Variants in SNX25 observed in about 807,000 individuals in gnomAD.
The protein encoded by SNX25 is sorting nexin 25.
In SNX25, 62 loss-of-function variants were observed where a neutral mutation model predicts 113.7. The ratio of observed to expected loss-of-function variants is 0.55; its 90% CI spans 0.44 to 0.67. The LOEUF (loss-of-function observed/expected upper bound fraction) is 0.67, where lower values mean the gene tolerates loss of function less well. Ranked by LOEUF, SNX25 falls within the 30% of genes least tolerant of loss-of-function variation. The pLI is 0.00. For missense variants in SNX25, 1,014 were observed against 1,161.0 expected (o/e 0.87, Z 1.84); for synonymous variants, 421 against 436.2 (o/e 0.97, Z 0.43).
At chr4:185,306,848 T>C (rs1754538081) in intron 6 of SNX25, among the ~76,000 whole-genome samples, 1 of 152,246 alleles carries the variant, frequency 6.6e-6, no homozygotes, top group Admixed American at 6.5e-5. Context: ...GCAAACTACA[T>C]TTACCTTCAT....
chr4:185,236,201 C>A (rs1386808126), intron 1 of SNX25, among the ~76,000 whole-genome samples: 2 of 152,178 alleles, frequency 1.3e-5, no homozygotes, highest in African/African-American at 4.8e-5. Context: ...TTTTGCAAAA[C>A]CTCCTGGCCT....
rs572414879 is a variant in SNX25, at chr4:185,342,986, G to C, written c.2187+870G>C. Among the ~76,000 whole-genome samples the C allele has an allele frequency of 8.5e-5, 13 of 152,290 alleles. No individual in the cohort carries two copies. The South Asian group carries it at 2.5e-3, about 29-fold the overall frequency. ...GCTCACTGCAACCTCCGCCTCCCAG[G>C]TTCAAGCGATTCTCCTGCCTCAGCC... On this transcript the variant is annotated intron_variant, in intron 12 of 18. Coordinates refer to ENST00000652585, the MANE Select transcript of SNX25 (RefSeq NM_001378034.2).
At chr4:185,206,682 AG>A (rs1303374654), upstream of SNX25, among the ~76,000 whole-genome samples, 17 of 148,766 alleles carry the variant, frequency 1.1e-4, no homozygotes, top group Middle Eastern at 3.4e-3. Flanking sequence ...AAAAAAAAAA[AG>A]AATGGAAGAT....
intron 5 of SNX25, among the ~76,000 whole-genome samples, chr4:185,284,790 C>T (rs1560968508): frequency 6.6e-6 from 1 of 152,044 alleles, no homozygotes; most frequent in African/African-American, 2.4e-5. Context: ...GCCATTTAGC[C>T]ATTGCAGTGA....
intron 1 of SNX25, among the ~76,000 whole-genome samples, chr4:185,216,598 T>C (rs923924807): frequency 6.8e-6 from 1 of 147,274 alleles, no homozygotes; most frequent in Non-Finnish European, 1.5e-5. Context: ...CAGCTCACTG[T>C]AACTTCTGTT....
downstream of SNX25, chr4:185,367,021 T>C: frequency 3.0e-6 from 2 of 673,970 alleles, no homozygotes; most frequent in Non-Finnish European, 5.0e-6. Context: ...GTTGCAAAAC[T>C]TAACAGCGTA....
At chr4:185,315,745 A>G (rs2095069119) in intron 7 of SNX25, among the ~76,000 whole-genome samples, 1 of 152,210 alleles carries the variant, frequency 6.6e-6, no homozygotes, top group African/African-American at 2.4e-5. Context: ...AAACTTCAAA[A>G]TGGTGTCTCT....
chr4:185,331,400 T>C (rs1007545708), intron 9 of SNX25, among the ~76,000 whole-genome samples: 2 of 152,192 alleles, frequency 1.3e-5, no homozygotes, highest in African/African-American at 4.8e-5. Context: ...TTGTACGTTA[T>C]ATGAAGAAGG....
chr4:185,259,169 C>A, intron 3 of SNX25, 105 bp downstream of exon 3: 1 of 911,706 alleles, frequency 1.1e-6, no homozygotes, highest in Non-Finnish European at 1.7e-6. Flanking sequence ...CTATTGCTGG[C>A]ACTTGCTTGA....
At chr4:185,312,618 G>A (rs751959364) in intron 7 of SNX25, among the ~76,000 whole-genome samples, 32 of 151,876 alleles carry the variant, frequency 2.1e-4, no homozygotes, top group Non-Finnish European at 4.0e-4. Context: ...CACCTCCCGG[G>A]TTCAGGCCAT....
chr4:185,350,819 G>T (rs112743341), intron 13 of SNX25, among the ~76,000 whole-genome samples: 5 of 152,138 alleles, frequency 3.3e-5, no homozygotes, highest in Non-Finnish European at 7.3e-5. Flanking sequence ...CCAAGATGGC[G>T]CCACTGCACG....
downstream of SNX25, among the ~76,000 whole-genome samples, chr4:185,371,429 C>A: frequency 6.6e-6 from 1 of 151,346 alleles, no homozygotes; most frequent in Non-Finnish European, 1.5e-5. Flanking sequence ...GTAGTCCCAG[C>A]TACTCGGGAG....
At chr4:185,239,077 G>A (rs544636895) in intron 1 of SNX25, among the ~76,000 whole-genome samples, 73 of 152,226 alleles carry the variant, frequency 4.8e-4, no homozygotes, top group Admixed American at 1.9e-3. Flanking sequence ...CAGTTTGAGC[G>A]CATTACGGCT....
downstream of SNX25, among the ~76,000 whole-genome samples, chr4:185,373,869 G>A (rs1361106383): frequency 6.6e-6 from 1 of 152,152 alleles, no homozygotes; most frequent in East Asian, 1.9e-4. Context: ...GATTTTGGCT[G>A]TAATTTCAGG....
intron 1 of SNX25, among the ~76,000 whole-genome samples, chr4:185,240,701 A>ACC (rs559898439): frequency 7.0e-6 from 1 of 142,346 alleles, no homozygotes; most frequent in Non-Finnish European, 1.5e-5. Context: ...CGGGGGGCTG[A>ACC]CCCCCACCTC....
chr4:185,263,797 T>C (rs910198211), intron 3 of SNX25, among the ~76,000 whole-genome samples: 1 of 152,226 alleles, frequency 6.6e-6, no homozygotes, highest in Non-Finnish European at 1.5e-5. Flanking sequence ...ATCAAGATAC[T>C]ATGGGAAGGG....
At chr4:185,219,188 A>C (rs1739381308) in intron 1 of SNX25, among the ~76,000 whole-genome samples, 1 of 152,186 alleles carries the variant, frequency 6.6e-6, no homozygotes, top group African/African-American at 2.4e-5. Context: ...TTCGGGGTTT[A>C]TCTAAGCCAA....
At chr4:185,208,194 C>T (rs1200165148), upstream of SNX25, among the ~76,000 whole-genome samples, 3 of 152,020 alleles carry the variant, frequency 2.0e-5, no homozygotes, top group African/African-American at 7.2e-5. Context: ...CTGCGACCTC[C>T]ACCTCCGGGG....
chr4:185,351,429 C>A lies in SNX25; in HGVS notation c.2302-16C>A. 3.7e-6 allele frequency: 6 copies of A among 1,611,704 alleles called. No homozygotes were observed. The highest frequency in any genetic ancestry group is 4.2e-6 in the Non-Finnish European group (5 of 1,179,052). On this transcript the variant is annotated splice_polypyrimidine_tract_variant and intron_variant, in intron 13 of 18. Transcript: ENST00000652585. ...AGTTTCCCACACTGGAGCAGTTAATCCTCTTTCTTCCATAGAATCTGCTTT... is the reference window on the plus strand; with the variant it reads ...AGTTTCCCACACTGGAGCAGTTAATACTCTTTCTTCCATAGAATCTGCTTT...
Sources: gnomAD v4.1 joint callset for allele counts (sites outside exome capture counted in the v4.1 genomes callset) on GRCh38, gnomAD v4.1.1 for gene constraint, MANE v1.5 for transcripts, NCBI Gene and HGNC (gene_info 2026-07-23, HGNC 2026-07-21) for gene names.